PRPF8: variants seen among roughly 807,000 people sequenced by gnomAD.
The protein encoded by PRPF8 is pre-mRNA-processing-splicing factor 8.
In PRPF8, 64 loss-of-function variants were observed where a neutral mutation model predicts 285.9. The ratio of observed to expected loss-of-function variants is 0.22; its 90% CI spans 0.18 to 0.28. PRPF8 has a LOEUF of 0.28. Ranked by LOEUF, PRPF8 falls within the 10% of genes least tolerant of loss-of-function variation. PRPF8 has a pLI of 1.00. For synonymous variants in PRPF8, 1,325 were observed against 1,118.2 expected, an observed-to-expected ratio of 1.18 and a Z score of -3.69; for missense variants, 1,426 against 3,026.7, an observed-to-expected ratio of 0.47 and a Z score of 12.41.
intron 36 of PRPF8, 81 bp from the exon 37 acceptor site, chr17:1,655,624 AG>A: frequency 6.0e-6 from 8 of 1,344,054 alleles, no homozygotes; most frequent in Non-Finnish European, 6.4e-6. Flanking sequence ...ATGAAACCCA[AG>A]AATTTTTTTT....
rs569326018 is a variant in PRPF8 at position 1,666,891 on chromosome 17, G to C, written c.3775-4738C>G. ...ACCAGGCAGATCTACAGAAAGGAGGGGGGCCGGGTGCGGTGGCTCATGCCT... is the reference window on the plus strand; with the variant it reads ...ACCAGGCAGATCTACAGAAAGGAGGCGGGCCGGGTGCGGTGGCTCATGCCT... On this transcript the variant is annotated intron_variant, in intron 24 of 42. Coordinates refer to ENST00000304992, the MANE Select transcript of PRPF8 (RefSeq NM_006445.4). Among the ~76,000 whole-genome samples, 39 of 151,796 alleles carry C rather than the reference G, an allele frequency of 2.6e-4. No individual in the cohort carries two copies. The South Asian group carries it at 7.7e-3, about 30-fold the overall frequency.
In PRPF8 at chr17:1,676,882, A is replaced by G. The variant is rs957114594; in HGVS notation, c.2181+94T>C. On this transcript the variant is annotated intron_variant, in intron 15 of 42. Coordinates refer to ENST00000304992, the MANE Select transcript of PRPF8 (RefSeq NM_006445.4). This position sits in a 1 kb window ranked among gnomAD's most constrained non-coding sequence, Gnocchi z 6.3. ...CTGTCTAAAAGGGAAAAGAAAAGAG[A>G]TTGGAGCCAGATAGCCCCCTAATGA... is the stretch of plus-strand genomic sequence containing the variant. 1.3e-6 allele frequency: 2 copies of G among 1,526,798 alleles called. No homozygotes were observed. Among genetic ancestry groups the G allele is most frequent in the African/African-American group, 1.4e-5 (1 of 73,040 alleles). 94.6% of individuals were successfully genotyped at this position (1,526,798 alleles called of 1,614,324 possible).
chr17:1,679,803 A>T lies in PRPF8; in HGVS notation c.1099-4T>A, dbSNP rs370231770. ...CATCCGGCAATGGTTCCTGGCTCTG[A>T]AAAAGGAATCCCTCTAAGGGTTTAG... On this transcript the variant is annotated splice_polypyrimidine_tract_variant and splice_region_variant and intron_variant, in intron 8 of 42. Transcript: ENST00000304992. The surrounding 1 kb of genome is among the most constrained non-coding windows in gnomAD (Gnocchi z 4.7). 2.5e-6 allele frequency: 4 copies of T among 1,614,052 alleles called. No individual in the cohort carries two copies. The African/African-American group carries it at 5.3e-5, about 22-fold the overall frequency.
Position 1,673,715 on chromosome 17 carries a change from T to C in PRPF8, c.3446+31A>G. The C allele has an allele frequency of 6.2e-7, 1 of 1,613,530 alleles. No individual in the cohort carries two copies. ...TCTCTGGGCCCTTAGCTTATGTCCT[T>C]CCAGCTCACACAGCCCCAACCTAGA... On this transcript the variant is annotated intron_variant, in intron 22 of 42. Transcript: ENST00000304992. This position sits in a 1 kb window ranked among gnomAD's most constrained non-coding sequence, Gnocchi z 5.5.
Position 1,681,003 on chromosome 17 carries a change from C to T in PRPF8, c.918G>A (p.Gln306=). 6.2e-7 allele frequency: 1 copy of T among 1,613,140 alleles called. No homozygotes were observed. The highest frequency in any genetic ancestry group is 8.5e-7 in the Non-Finnish European group (1 of 1,179,202). The part of the protein sequence containing the change: ...FNDINKIIIR[Q]PIRTEYKIAF... ...CAATCTTGTACTCAGTGCGGATAGG[C>T]TGCCGGATGATAATCTTGTTAATAT... Residue 306 remains glutamine, a synonymous_variant, in exon 7 of 43, where the codon CAG becomes CAA. Coordinates refer to ENST00000304992, the MANE Select transcript of PRPF8 (RefSeq NM_006445.4).
chr17:1,656,506 G>A lies in PRPF8; in HGVS notation c.5679C>T (p.Phe1893=). The A allele has an allele frequency of 6.2e-7, 1 of 1,614,194 alleles. No homozygotes were observed. Among genetic ancestry groups the A allele is most frequent in the South Asian group, 1.1e-5 (1 of 91,082 alleles). ...ATTTTTCCACCTTGAGACACGCCTG[G>A]AAAGGGAGTTGGAGCTCCGATCCTT... ...VIKGSELQLP[F]QACLKVEKFG... is the part of the protein sequence containing the mutation. The change falls in exon 36 of 43, where the codon TTC becomes TTT. Residue 1893 remains phenylalanine, a synonymous_variant. Transcript: ENST00000304992.
intron 3 of PRPF8, 62 bp from the exon 4 acceptor site, chr17:1,682,355 T>C (rs767227112): frequency 1.4e-4 from 227 of 1,568,208 alleles, no homozygotes; most frequent in Non-Finnish European, 1.8e-4. Context: ...ACCTGTCCCA[T>C]GCAGAGAAGC....
intron 24 of PRPF8, among the ~76,000 whole-genome samples, chr17:1,672,450 T>C (rs1203263042): frequency 6.6e-6 from 1 of 152,166 alleles, no homozygotes; most frequent in Non-Finnish European, 1.5e-5. Context: ...CGGTTAATTT[T>C]TGTATTTTTA....
chr17:1,659,347 C>T lies in PRPF8; in HGVS notation c.5138+10G>A, dbSNP rs1225555200. The stretch of plus-strand genomic sequence containing the variant: ...GGCCTGAAAATACATGGTCCTGAGC[C>T]TCAACTCACCTGTGCAAGTTATAGG... On this transcript the variant is annotated intron_variant, in intron 32 of 42. Transcript: ENST00000304992. This position sits in a 1 kb window ranked among gnomAD's most constrained non-coding sequence, Gnocchi z 5.1. The T allele has an allele frequency of 1.9e-6, 3 of 1,613,800 alleles. No individual in the cohort carries two copies. Among genetic ancestry groups the T allele is most frequent in the African/African-American group, 1.3e-5 (1 of 74,884 alleles).
rs368223523 is a variant in PRPF8 at position 1,656,719 on chromosome 17, G to A, written c.5548C>T (p.Arg1850Ter). 6.2e-7 allele frequency: 1 copy of A among 1,614,062 alleles called. No individual in the cohort carries two copies. Among genetic ancestry groups the A allele is most frequent in the Non-Finnish European group, 8.5e-7 (1 of 1,180,024 alleles). Residue 1850 changes from arginine to a stop codon, truncating the protein, a stop_gained, in exon 35 of 43, where the codon CGA becomes TGA. Transcript: ENST00000304992. LOFTEE classifies it high-confidence loss of function. ...GGCTGCTCCTCCACAGGCAGAGATCGGATCAGGGCGGCCACCTCCTCAGCT... is the reference window on the plus strand; with the variant it reads ...GGCTGCTCCTCCACAGGCAGAGATCAGATCAGGGCGGCCACCTCCTCAGCT... Reference protein sequence around the residue: ...KTAEEVAALIRSLPVEEQPKQ... With the variant: ...KTAEEVAALI
At position 1,677,134 on chromosome 17, in the gene PRPF8, G is replaced by A; in HGVS notation, c.2023C>T (p.Gln675Ter). ...SKGVAKTVTK[Q>*]RVESHFDLEL... is the part of the protein sequence containing the mutation. ...AGGTCAAAATGTGACTCCACTCGCT[G>A]CTTTGTTACTGTCTTTGCCACCCCC... Residue 675 changes from glutamine (Q) to a stop codon, truncating the protein, a stop_gained, in exon 15 of 43, where the codon CAG becomes TAG. Coordinates refer to ENST00000304992, the MANE Select transcript of PRPF8 (RefSeq NM_006445.4). LOFTEE classifies it high-confidence loss of function. The A allele has an allele frequency of 6.2e-7, 1 of 1,613,860 alleles. No individual in the cohort carries two copies. Among genetic ancestry groups the A allele is most frequent in the Non-Finnish European group, 8.5e-7 (1 of 1,180,020 alleles).
chr17:1,661,994 G>A lies in PRPF8; in HGVS notation c.3934C>T (p.Pro1312Ser), dbSNP rs577780866. ...GLNSKMPSRFPPVVFYTPKEL... is the reference protein window; with the variant it reads ...GLNSKMPSRFSPVVFYTPKEL... ...TTAGGGGTGTAGAACACAACCGGGG[G>A]GAACCGACTTGGCATCTTGGAGTTG... is the stretch of plus-strand genomic sequence containing the variant. Residue 1312 changes from proline to serine, a missense_variant, in exon 25 of 43, where the codon CCC becomes TCC. By Grantham distance (74) the Pro-to-Ser change is moderately conservative. Transcript: ENST00000304992. This position sits in a 1 kb window ranked among gnomAD's most constrained non-coding sequence, Gnocchi z 7.3. 6.2e-7 allele frequency: 1 copy of A among 1,614,012 alleles called. No homozygotes were observed. Among genetic ancestry groups the A allele is most frequent in the African/African-American group, 1.3e-5 (1 of 74,984 alleles).
chr17:1,653,696 A>C lies in PRPF8; in HGVS notation c.6228-13T>G. 6.2e-7 allele frequency: 1 copy of C among 1,614,184 alleles called. No individual in the cohort carries two copies. The highest frequency in any genetic ancestry group is 8.5e-7 in the Non-Finnish European group (1 of 1,180,034). ...AGCAGAGATGGCCCTAAAAACAGGC[A>C]GGGAGTGTCAGCATCGCTCAGCCCA... On this transcript the variant is annotated splice_polypyrimidine_tract_variant and intron_variant, in intron 38 of 42. Transcript: ENST00000304992. The surrounding 1 kb of genome is among the most constrained non-coding windows in gnomAD (Gnocchi z 4.9).
At chr17:1,683,495 C>T (rs1178837750) in intron 3 of PRPF8, 38 bp downstream of exon 3, 1 of 1,612,598 alleles carries the variant, frequency 6.2e-7, no homozygotes. Context: ...GGGAAAAGGG[C>T]CAAATTCCAA....
chr17:1,658,408 T>C lies in PRPF8; in HGVS notation c.5377-27A>G, dbSNP rs558778125. 1.2e-6 allele frequency: 2 copies of C among 1,614,202 alleles called. No individual in the cohort carries two copies. The highest frequency in any genetic ancestry group is 2.2e-5 in the East Asian group (1 of 44,882). Reference sequence around the variant, plus strand: ...TAGAGGAGGACGGCATTCGTTAGCATGGCCTACACAACACATCCCCATCCT... The same window carrying C: ...TAGAGGAGGACGGCATTCGTTAGCACGGCCTACACAACACATCCCCATCCT... On this transcript the variant is annotated intron_variant, in intron 33 of 42. Coordinates refer to ENST00000304992, the MANE Select transcript of PRPF8 (RefSeq NM_006445.4). This position sits in a 1 kb window ranked among gnomAD's most constrained non-coding sequence, Gnocchi z 4.1.
chr17:1,679,256 A>G lies in PRPF8; in HGVS notation c.1409+35T>C. 1 of 1,614,176 alleles carries G rather than the reference A, an allele frequency of 6.2e-7. No individual in the cohort carries two copies. The highest frequency in any genetic ancestry group is 8.5e-7 in the Non-Finnish European group (1 of 1,180,034). On this transcript the variant is annotated intron_variant, in intron 10 of 42. Transcript: ENST00000304992. The surrounding 1 kb of genome is among the most constrained non-coding windows in gnomAD (Gnocchi z 4.7). ...GAGTCAGCCTACTGATATCTCTGGA[A>G]CAGAAGTCTGCGCAGGGCCCCTGGG...
At position 1,675,588 on chromosome 17, in the gene PRPF8, T is replaced by G. The variant is rs1912568313; in HGVS notation, c.2872+32A>C. 1 of 1,613,598 alleles carries G rather than the reference T, an allele frequency of 6.2e-7. No homozygotes were observed. The highest frequency in any genetic ancestry group is 8.5e-7 in the Non-Finnish European group (1 of 1,179,576). Reference sequence around the variant, plus strand: ...GACGTAGAACTAAATTCCTGCCCCGTTCCTCACAGGGCGATCTCATGAAAG... The same window carrying G: ...GACGTAGAACTAAATTCCTGCCCCGGTCCTCACAGGGCGATCTCATGAAAG... On this transcript the variant is annotated intron_variant, in intron 19 of 42. Transcript: ENST00000304992. The surrounding 1 kb of genome is among the most constrained non-coding windows in gnomAD (Gnocchi z 6.0).
intron 3 of PRPF8, among the ~76,000 whole-genome samples, chr17:1,682,531 C>T (rs1054259266): frequency 2.0e-5 from 3 of 152,122 alleles, no homozygotes; most frequent in Non-Finnish European, 4.4e-5. Context: ...TCTAAATCAA[C>T]GGCTATCCCT....
chr17:1,684,756 C>G lies in PRPF8; in HGVS notation c.-12+24G>C, dbSNP rs532686175. 60 of 645,060 alleles carry G rather than the reference C, an allele frequency of 9.3e-5. No homozygotes were observed. In the South Asian group the frequency reaches 1.0e-3, roughly 11 times the overall value. The allele number at this position is 645,060 out of a possible 1,614,324, so 40.0% of individuals were successfully genotyped here. On this transcript the variant is annotated intron_variant, in intron 1 of 42. Coordinates refer to ENST00000304992, the MANE Select transcript of PRPF8 (RefSeq NM_006445.4). ...CGACCCGACCACGCCTCCCGCAGCCCGGCCTTAAACGCCTGCCACGCACCC... is the reference window on the plus strand; with the variant it reads ...CGACCCGACCACGCCTCCCGCAGCCGGGCCTTAAACGCCTGCCACGCACCC...
Sources: gnomAD v4.1 joint callset for allele counts (sites outside exome capture counted in the v4.1 genomes callset) on GRCh38, gnomAD v4.1.1 for gene constraint, Gnocchi (gnomAD v3.1) non-coding constraint, MANE v1.5 for transcripts, NCBI Gene and HGNC (gene_info 2026-07-23, HGNC 2026-07-21) for gene names.